Variants in VPS8 observed in about 807,000 individuals in gnomAD.
VPS8 encodes VPS8 subunit of CORVET complex, also known as vacuolar protein sorting-associated protein 8 homolog.
VPS8 carries 129 observed loss-of-function variants against 216.4 expected under a neutral mutation model. That is an observed-to-expected ratio of 0.60 (90% CI 0.52 to 0.69). The LOEUF is 0.69. Among genes scored for constraint, VPS8 ranks in the 30% least tolerant of loss-of-function variants. The pLI, the probability that VPS8 is intolerant of heterozygous loss-of-function variation, is 0.00. For missense variants in VPS8, 1,531 were observed against 1,683.5 expected (o/e 0.91, Z 1.59); for synonymous variants, 571 against 565.4 (o/e 1.01, Z -0.14).
intron 39 of VPS8, 81 bp downstream of exon 39, chr3:184,966,794 A>G (rs1027199013): frequency 2.1e-5 from 22 of 1,072,096 alleles, no homozygotes; most frequent in Middle Eastern, 2.1e-4. Context: ...TGCATTTATT[A>G]TGTAATAATT....
intron 14 of VPS8, among the ~76,000 whole-genome samples, chr3:184,856,963 T>C (rs1725375392): frequency 6.6e-6 from 1 of 152,174 alleles, no homozygotes; most frequent in South Asian, 2.1e-4. Context: ...CCTCAAGCGT[T>C]CCTCCCACCT....
chr3:185,041,698 G>A (rs150116004), intron 46 of VPS8, among the ~76,000 whole-genome samples: 2 of 152,308 alleles, frequency 1.3e-5, no homozygotes, highest in Middle Eastern at 3.4e-3. Context: ...TAATTGTGCT[G>A]TGCTGAATTA....
intron 3 of VPS8, 85 bp downstream of exon 3, chr3:184,826,316 G>T: frequency 1.0e-6 from 1 of 1,003,488 alleles, no homozygotes. Flanking sequence ...CATGCACCTA[G>T]ATGCGCACTT....
intron 28 of VPS8, among the ~76,000 whole-genome samples, chr3:184,917,093 A>C (rs925713817): frequency 1.3e-5 from 2 of 152,188 alleles, no homozygotes; most frequent in Non-Finnish European, 2.9e-5. Flanking sequence ...ATGCTATAGG[A>C]ACACTTAATG....
At chr3:184,814,090 T>C (rs1684432517) in intron 1 of VPS8, among the ~76,000 whole-genome samples, 1 of 152,270 alleles carries the variant, frequency 6.6e-6, no homozygotes, top group African/African-American at 2.4e-5. Context: ...GATTTTTCAC[T>C]GTTATGAATT....
At chr3:184,954,228 A>G (rs1375471955) in intron 36 of VPS8, among the ~76,000 whole-genome samples, 1 of 152,194 alleles carries the variant, frequency 6.6e-6, no homozygotes, top group Admixed American at 6.5e-5. Flanking sequence ...CTCAGTGCAC[A>G]CTGCCCTCCA....
chr3:184,969,028 A>C (rs539694896), intron 39 of VPS8, among the ~76,000 whole-genome samples: 8 of 152,218 alleles, frequency 5.3e-5, no homozygotes, highest in Non-Finnish European at 1.0e-4. Context: ...CTTAATTACC[A>C]TTTTTGTACT....
chr3:185,040,210 TG>T (rs1470537478), intron 46 of VPS8, among the ~76,000 whole-genome samples: 10 of 152,170 alleles, frequency 6.6e-5, no homozygotes, highest in African/African-American at 2.4e-4. Context: ...ACACGAGTGT[TG>T]GAGGGAACAA....
intron 45 of VPS8, among the ~76,000 whole-genome samples, chr3:185,008,345 T>C (rs1754536252): frequency 6.6e-6 from 1 of 152,234 alleles, no homozygotes; most frequent in Admixed American, 6.5e-5. Flanking sequence ...AATGTATACC[T>C]GCATTGAGCC....
At position 185,004,709 on chromosome 3, in the gene VPS8, G is replaced by A. The variant is rs369438023; in HGVS notation, c.4002+4848G>A. 3.8e-3 allele frequency among the ~76,000 whole-genome samples: 574 copies of A among 152,004 alleles called. 3 individuals carry two copies. The highest frequency in any genetic ancestry group is 0.013 in the African/African-American group (551 of 41,468). ...GCATCCTTTGCCCACTTTTTGATGG[G>A]GTTGTTTTTTTCTTGCTGATTTGTT... On this transcript the variant is annotated intron_variant, in intron 45 of 47. Coordinates refer to ENST00000625842, the MANE Select transcript of VPS8 (RefSeq NM_001009921.3).
intron 32 of VPS8, among the ~76,000 whole-genome samples, chr3:184,929,123 C>T (rs542984866): frequency 6.6e-6 from 1 of 152,254 alleles, no homozygotes; most frequent in South Asian, 2.1e-4. Context: ...AGGTTAACGG[C>T]AAATACTCAT....
rs373110111 is a variant in VPS8, at chr3:184,920,218, A to G, written c.2454+20A>G. 1.1e-5 allele frequency: 16 copies of G among 1,414,108 alleles called. No individual in the cohort carries two copies. The African/African-American group carries it at 2.2e-4, about 19-fold the overall frequency. The allele number at this position is 1,414,108 out of a possible 1,614,324, so 87.6% of individuals were successfully genotyped here. A position where few individuals can be genotyped will look rare whatever the true frequency, so the allele number is the denominator to read the frequency against. On this transcript the variant is annotated intron_variant, in intron 29 of 47. Coordinates refer to ENST00000625842, the MANE Select transcript of VPS8 (RefSeq NM_001009921.3). Reference sequence around the variant, plus strand: ...TTGAAAGTAAGTATTCAAAGAATACATGTCTTTATATTGATATTTATATTA... The same window carrying G: ...TTGAAAGTAAGTATTCAAAGAATACGTGTCTTTATATTGATATTTATATTA...
rs188117387 is a variant in VPS8 at position 184,933,577 on chromosome 3, C to T, written c.2899-2669C>T. Reference sequence around the variant, plus strand: ...TAAGTGGTCAAAATAATCATTTCCCCCCCTCTTTATGTCCTGCTTGCTTTC... The same window carrying T: ...TAAGTGGTCAAAATAATCATTTCCCTCCCTCTTTATGTCCTGCTTGCTTTC... On this transcript the variant is annotated intron_variant, in intron 34 of 47. Coordinates refer to ENST00000625842, the MANE Select transcript of VPS8 (RefSeq NM_001009921.3). Among the ~76,000 whole-genome samples, 64 of 151,768 alleles carry T rather than the reference C, an allele frequency of 4.2e-4. 1 individual carries two copies. Among genetic ancestry groups the T allele is most frequent in the Admixed American group, 1.8e-3 (28 of 15,206 alleles).
chr3:185,019,347 GACAC>G (rs111857967), intron 45 of VPS8, among the ~76,000 whole-genome samples: 1 of 149,776 alleles, frequency 6.7e-6, no homozygotes, highest in Non-Finnish European at 1.5e-5. Flanking sequence ...AGGAATTAAA[GACAC>G]ACACACACAC....
chr3:184,991,232 T>A (rs910325324), intron 42 of VPS8, among the ~76,000 whole-genome samples: 6 of 152,228 alleles, frequency 3.9e-5, no homozygotes, highest in African/African-American at 1.4e-4. Context: ...TTCTAGTGTG[T>A]GTCTTGAAAA....
chr3:184,843,929 A>T (rs2108615734), intron 8 of VPS8, among the ~76,000 whole-genome samples: 1 of 152,314 alleles, frequency 6.6e-6, no homozygotes, highest in Admixed American at 6.5e-5. Flanking sequence ...TCTGGAAAAT[A>T]TCCAACTAGC....
At chr3:184,967,171 C>T (rs923812557) in intron 39 of VPS8, among the ~76,000 whole-genome samples, 5 of 152,064 alleles carry the variant, frequency 3.3e-5, no homozygotes, top group Admixed American at 6.6e-5. Context: ...TCACCTGTCA[C>T]CCAGGCTGGT....
chr3:184,913,553 A>ATATT lies in VPS8; in HGVS notation c.2184_2185insTTAT (p.Ile729LeufsTer3). On this transcript the variant is annotated frameshift_variant, in exon 26 of 48. Coordinates refer to ENST00000625842, the MANE Select transcript of VPS8 (RefSeq NM_001009921.3). LOFTEE classifies it high-confidence loss of function. ...TTGTTATGGGCAATAAGCTCCTTGT[A>ATATT]TATATTAGGTAAGATTGTTTTATTT... 1.9e-6 allele frequency: 3 copies of ATATT among 1,580,536 alleles called. No individual in the cohort carries two copies. The highest frequency in any genetic ancestry group is 2.6e-6 in the Non-Finnish European group (3 of 1,162,308).
At chr3:184,867,135 T>C (rs936549326) in intron 17 of VPS8, among the ~76,000 whole-genome samples, 185 bp downstream of exon 17, 4 of 152,238 alleles carry the variant, frequency 2.6e-5, no homozygotes, top group Non-Finnish European at 4.4e-5. Flanking sequence ...TTTAGACATA[T>C]TCTTTACTTT....
Sources: gnomAD v4.1 joint callset for allele counts (sites outside exome capture counted in the v4.1 genomes callset) on GRCh38, gnomAD v4.1.1 for gene constraint, MANE v1.5 for transcripts, NCBI Gene and HGNC (gene_info 2026-07-23, HGNC 2026-07-21) for gene names.